SPNS3: variants seen among roughly 807,000 people sequenced by gnomAD.
SPNS3 encodes the protein SPNS lysolipid transporter 3, sphingosine-1-phosphate (putative).
A neutral mutation model predicts 54.4 loss-of-function variants in SPNS3; 51 were observed. The ratio of observed to expected loss-of-function variants is 0.94; its 90% CI spans 0.75 to 1.18. The LOEUF is 1.18. SPNS3 is among the 50% of genes most tolerant of loss of function. The pLI, the probability that SPNS3 is intolerant of heterozygous loss-of-function variation, is 0.00. For synonymous variants in SPNS3, 309 were observed against 294.7 expected (o/e 1.05, Z -0.50); for missense variants, 669 against 677.4 (o/e 0.99, Z 0.14).
At chr17:4,447,066 A>AG in intron 5 of SPNS3, 104 bp downstream of exon 5, 1 of 1,010,134 alleles carries the variant, frequency 9.9e-7, no homozygotes, top group Non-Finnish European at 1.4e-6. Context: ...CGGCGCCATT[A>AG]GGGGGACGGG....
chr17:4,446,604 G>T, intron 4 of SPNS3: 1 of 542,494 alleles, frequency 1.8e-6, no homozygotes, highest in Non-Finnish European at 3.3e-6. Context: ...TCCTGAACTT[G>T]CCTGACTCAA....
intron 8 of SPNS3, among the ~76,000 whole-genome samples, chr17:4,456,209 C>T (rs1049287278): frequency 1.3e-5 from 2 of 152,166 alleles, no homozygotes; most frequent in Non-Finnish European, 2.9e-5. Context: ...ATCTCAGCCT[C>T]CCAAAGTGCT....
chr17:4,434,276 C>A, intron 1 of SPNS3, 110 bp downstream of exon 1: 1 of 1,106,016 alleles, frequency 9.0e-7, no homozygotes, highest in Middle Eastern at 2.4e-4. Context: ...GCTCCTGGGC[C>A]CATCTCTGGT....
intron 8 of SPNS3, among the ~76,000 whole-genome samples, chr17:4,454,610 C>CTTTTTT (rs55918406): frequency 6.5e-5 from 5 of 76,386 alleles, no homozygotes; most frequent in African/African-American, 1.6e-4. Flanking sequence ...CCAAATAAAG[C>CTTTTTT]TTTTTTTTTT....
Position 4,445,052 on chromosome 17 carries a change from C to CT in SPNS3, c.287dup (p.Ser97ValfsTer13). ...TTCAGTCTTCGTTAGCTGCCTGCTG[C>CT]TGTCTGCACCTGTGTTTGGCTACCT... On this transcript the variant is annotated frameshift_variant, in exon 3 of 12. Transcript: ENST00000355530. LOFTEE classifies it high-confidence loss of function. 6.2e-7 allele frequency: 1 copy of CT among 1,614,034 alleles called. No homozygotes were observed. Among genetic ancestry groups the CT allele is most frequent in the South Asian group, 1.1e-5 (1 of 91,054 alleles).
chr17:4,457,144 T>C (rs1971337028), intron 8 of SPNS3, among the ~76,000 whole-genome samples: 1 of 152,164 alleles, frequency 6.6e-6, no homozygotes, highest in Admixed American at 6.5e-5. Context: ...GGAATCCCAG[T>C]ATTTTGGGAG....
chr17:4,444,893 T>C, intron 2 of SPNS3, 139 bp from the exon 3 acceptor site: 7 of 1,042,574 alleles, frequency 6.7e-6, no homozygotes, highest in East Asian at 2.4e-5. Flanking sequence ...CACCTTATCT[T>C]TTCTTCCTCA....
intron 2 of SPNS3, among the ~76,000 whole-genome samples, chr17:4,442,849 G>C (rs568649301): frequency 2.6e-4 from 40 of 152,250 alleles, no homozygotes; most frequent in Non-Finnish European, 3.1e-4. Context: ...TGTGCCTCCA[G>C]AGTCTGTCTT....
rs777515199 is a variant in SPNS3 at position 4,448,250 on chromosome 17, C to T, written c.717C>T (p.Ala239=). 62 of 1,598,766 alleles carry T rather than the reference C, an allele frequency of 3.9e-5. No homozygotes were observed. The highest frequency in any genetic ancestry group is 1.9e-4 in the South Asian group (17 of 88,588). The change falls in exon 6 of 12, where the codon GCC becomes GCT. Residue 239 remains alanine, a synonymous_variant. Transcript: ENST00000355530. ...RGAAETQGEG[A]VGGFRSSWCE... is the part of the protein sequence containing the mutation. ...CTGCCGAGACACAGGGGGAGGGGGC[C>T]GTGGGAGGCTTCAGGAGCAGCTGGT...
At chr17:4,460,893 C>T (rs1266835492) in intron 8 of SPNS3, among the ~76,000 whole-genome samples, 2 of 152,098 alleles carry the variant, frequency 1.3e-5, no homozygotes, top group Non-Finnish European at 2.9e-5. Flanking sequence ...GTTCCTTCCT[C>T]TTCTGTTTTT....
chr17:4,476,450 G>T lies in SPNS3; in HGVS notation c.1114-2122G>T, dbSNP rs1382350755. On this transcript the variant is annotated intron_variant, in intron 8 of 11. Transcript: ENST00000355530. The stretch of plus-strand genomic sequence containing the variant: ...GCCGGGGAGAGCAAAACGGGGAGCT[G>T]GTTGGGGGACAGCGTGCCTGGGCTG... Among the ~76,000 whole-genome samples, 6 of 152,248 alleles carry T rather than the reference G, an allele frequency of 3.9e-5. No individual in the cohort carries two copies. The South Asian group carries it at 6.2e-4, about 16-fold the overall frequency.
rs764202620 is a variant in SPNS3, at chr17:4,433,978, G to T, written c.11G>T (p.Gly4Val). 4.5e-6 allele frequency: 7 copies of T among 1,540,552 alleles called. No individual in the cohort carries two copies. The South Asian group carries it at 7.3e-5, about 16-fold the overall frequency. Residue 4 changes from glycine (G) to valine (V), a missense_variant, in exon 1 of 12, where the codon GGG becomes GTG. Coordinates refer to ENST00000355530, the MANE Select transcript of SPNS3 (RefSeq NM_182538.5). Reference protein sequence around the residue: MAGGMSAECPEPGP... With the variant: MAGVMSAECPEPGP... ...GAGCTGCAGGCTGGCATGGCTGGGG[G>T]GATGTCAGCGGAGTGCCCTGAGCCT...
chr17:4,440,441 C>T (rs1225831440), intron 2 of SPNS3, among the ~76,000 whole-genome samples: 1 of 152,212 alleles, frequency 6.6e-6, no homozygotes, highest in Non-Finnish European at 1.5e-5. Flanking sequence ...GAACATGGCT[C>T]TTAAACCGGG....
At chr17:4,465,685 A>G (rs1597329637) in intron 8 of SPNS3, among the ~76,000 whole-genome samples, 2 of 152,092 alleles carry the variant, frequency 1.3e-5, no homozygotes, top group Admixed American at 1.3e-4. Flanking sequence ...TGGGATCGCC[A>G]CCAATGTGCT....
intron 8 of SPNS3, among the ~76,000 whole-genome samples, chr17:4,455,365 A>G (rs1971279207): frequency 6.6e-6 from 1 of 152,146 alleles, no homozygotes; most frequent in South Asian, 2.1e-4. Flanking sequence ...TGAGCAGGCA[A>G]GGAAGGATGA....
intron 1 of SPNS3, among the ~76,000 whole-genome samples, chr17:4,439,371 C>T (rs1398765307): frequency 1.3e-5 from 2 of 152,214 alleles, no homozygotes; most frequent in African/African-American, 4.8e-5. Context: ...GGTGATCCGC[C>T]AGCCTTGGCC....
rs374665467 is a variant in SPNS3, at chr17:4,478,558, C to A, written c.1114-14C>A. 1 of 1,563,318 alleles carries A rather than the reference C, an allele frequency of 6.4e-7. No homozygotes were observed. The highest frequency in any genetic ancestry group is 1.3e-5 in the African/African-American group (1 of 74,088). ...GATCTGGGAATCCTCACCCAGGCCA[C>A]CCTCTGTCCACAGGTGTTCCTGGGC... On this transcript the variant is annotated splice_polypyrimidine_tract_variant and intron_variant, in intron 8 of 11. Transcript: ENST00000355530.
In SPNS3 at chr17:4,486,219, G is replaced by C. The variant is rs1243030071; in HGVS notation, c.1180-9G>C. On this transcript the variant is annotated splice_polypyrimidine_tract_variant and intron_variant, in intron 9 of 11. Coordinates refer to ENST00000355530, the MANE Select transcript of SPNS3 (RefSeq NM_182538.5). The surrounding 1 kb of genome is among the most constrained non-coding windows in gnomAD (Gnocchi z 5.5). ...TGGGGTGCCCCCCTGCTGTGCCTAT[G>C]TTTTGCAGTCTGTGGTGGTGCCCAG... 3 of 1,537,014 alleles carry C rather than the reference G, an allele frequency of 2.0e-6. No individual in the cohort carries two copies. The South Asian group carries it at 3.8e-5, about 20-fold the overall frequency.
At chr17:4,448,537 C>T (rs1971066550) in intron 6 of SPNS3, among the ~76,000 whole-genome samples, 1 of 152,176 alleles carries the variant, frequency 6.6e-6, no homozygotes, top group Non-Finnish European at 1.5e-5. Flanking sequence ...AGGGAGATGG[C>T]GTGAGCCCCA....
Sources: allele counts gnomAD v4.1 joint callset (sites outside exome capture counted in the v4.1 genomes callset), GRCh38; gene constraint gnomAD v4.1.1; non-coding constraint Gnocchi (gnomAD v3.1); transcripts MANE v1.5; gene names NCBI Gene and HGNC (gene_info 2026-07-23, HGNC 2026-07-21).